Variants in DMD observed in about 807,000 individuals in gnomAD.
DMD encodes the protein dystrophin.
DMD carries 63 observed loss-of-function variants against 330.1 expected under a neutral mutation model. The observed-to-expected ratio is 0.19, with a 90% CI of 0.16 to 0.24. The LOEUF (loss-of-function observed/expected upper bound fraction) is 0.24, where lower values mean the gene tolerates loss of function less well. Ranked by LOEUF, DMD falls within the 10% of genes least tolerant of loss-of-function variation. The probability of loss-of-function intolerance (pLI) is 1.00; values close to 1 mark genes in which losing one functional copy is unlikely to be tolerated. For synonymous variants in DMD, 1,223 were observed against 959.8 expected (o/e 1.27, Z -5.07); for missense variants, 3,344 against 2,684.1 (o/e 1.25, Z -5.43).
chrX:32,692,159 T>G (rs1484258994), intron 9 of DMD, among the ~76,000 whole-genome samples: 5 of 112,309 alleles, frequency 4.5e-5, no homozygotes, highest in Non-Finnish European at 9.4e-5. Flanking sequence ...TTAAGTGTTC[T>G]TACACACAAT....
intron 32 of DMD, among the ~76,000 whole-genome samples, chrX:32,387,518 T>C (rs2097967666): frequency 9.0e-6 from 1 of 111,290 alleles, no homozygotes; most frequent in Non-Finnish European, 1.9e-5. Context: ...AAATTGGGTT[T>C]AATTTCTCTT....
At chrX:32,830,387 T>C (rs1321830790) in intron 4 of DMD, among the ~76,000 whole-genome samples, 10 of 111,553 alleles carry the variant, frequency 9.0e-5, no homozygotes, top group African/African-American at 3.2e-4. Context: ...TATTAAAACC[T>C]TTTAAAATCT....
intron 21 of DMD, among the ~76,000 whole-genome samples, chrX:32,480,374 A>ATGTG (rs113099165): frequency 5.6e-4 from 58 of 102,943 alleles, no homozygotes; most frequent in Middle Eastern, 4.9e-3. Context: ...AATTTTATAA[A>ATGTG]TGTGTGTGTG....
At chrX:32,525,063 A>G (rs868441170) in intron 17 of DMD, among the ~76,000 whole-genome samples, 4 of 111,716 alleles carry the variant, frequency 3.6e-5, no homozygotes, top group Non-Finnish European at 5.6e-5. Flanking sequence ...TTTCATTTCT[A>G]TCATTATTGT....
chrX:31,918,686 G>A (rs1332716014), intron 47 of DMD, among the ~76,000 whole-genome samples: 3 of 109,091 alleles, frequency 2.8e-5, no homozygotes, highest in African/African-American at 1.0e-4. Context: ...TGCCCAGGCT[G>A]GAATGCAGTG....
chrX:32,344,625 T>A (rs2097758148), intron 39 of DMD, among the ~76,000 whole-genome samples: 1 of 111,590 alleles, frequency 9.0e-6, no homozygotes, highest in Admixed American at 9.6e-5. Context: ...AACTCACATC[T>A]TTGCCAGGAG....
At chrX:32,633,612 T>C (rs1435823583) in intron 11 of DMD, among the ~76,000 whole-genome samples, 3 of 112,103 alleles carry the variant, frequency 2.7e-5, no homozygotes, top group Admixed American at 1.9e-4. Context: ...TAGGCCACTC[T>C]CGCATTGCTA....
chrX:32,412,325 C>A lies in DMD; in HGVS notation c.4072-412G>T, dbSNP rs918474265. ...CACAATCCAATTCAAGACAGATAAT[C>A]TGCTTCCACCAGTGAGATACATGTA... On this transcript the variant is annotated intron_variant, in intron 29 of 78. Coordinates refer to ENST00000357033, the MANE Select transcript of DMD (RefSeq NM_004006.3). The A allele has an allele frequency of 7.2e-5, 48 of 670,707 alleles. No individual in the cohort carries two copies. The East Asian group carries it at 3.9e-3, about 55-fold the overall frequency. The allele number at this position is 670,707 out of a possible 1,213,427, so 55.3% of individuals were successfully genotyped here. A position where few individuals can be genotyped will look rare whatever the true frequency, so the allele number is the denominator to read the frequency against.
chrX:31,480,054 A>G (rs1405275616), intron 57 of DMD, among the ~76,000 whole-genome samples: 1 of 112,345 alleles, frequency 8.9e-6, no homozygotes, highest in Admixed American at 9.5e-5. Context: ...AAATGCTAAT[A>G]TAACTGTTTA....
chrX:31,231,777 GGAGGCT>G (rs1294785895), intron 63 of DMD, among the ~76,000 whole-genome samples: 3 of 111,872 alleles, frequency 2.7e-5, no homozygotes, highest in African/African-American at 9.7e-5. Flanking sequence ...CTACTACCTG[GGAGGCT>G]GAGGCAGGAG....
At chrX:33,237,205 C>T (rs1444692743) in intron 1 of DMD, among the ~76,000 whole-genome samples, 2 of 88,729 alleles carry the variant, frequency 2.3e-5, no homozygotes, top group African/African-American at 8.2e-5. Context: ...CCCTCCCTTC[C>T]TCCCTTCCTT....
intron 52 of DMD, among the ~76,000 whole-genome samples, chrX:31,689,777 C>G (rs1326600527): frequency 7.4e-4 from 82 of 111,474 alleles, no homozygotes; most frequent in African/African-American, 2.2e-3. Flanking sequence ...CAGAGATATA[C>G]ACCAATGGAA....
intron 1 of DMD, among the ~76,000 whole-genome samples, chrX:33,261,817 C>T (rs1295233098): frequency 9.1e-6 from 1 of 110,472 alleles, no homozygotes; most frequent in Non-Finnish European, 1.9e-5. Flanking sequence ...GGGACAACAG[C>T]AAAGTGGTGG....
At chrX:31,523,076 C>G (rs1411212855) in intron 55 of DMD, among the ~76,000 whole-genome samples, 1 of 110,885 alleles carries the variant, frequency 9.0e-6, no homozygotes, top group Non-Finnish European at 1.9e-5. Context: ...CTGCTGGGCT[C>G]CACTCTGAGA....
chrX:31,365,186 A>G (rs1224130356), intron 60 of DMD, among the ~76,000 whole-genome samples: 1 of 108,135 alleles, frequency 9.2e-6, no homozygotes, highest in Admixed American at 1.0e-4. Flanking sequence ...ATTTTGGTGC[A>G]CCCCTATCCA....
intron 13 of DMD, among the ~76,000 whole-genome samples, chrX:32,590,491 G>A (rs2054781368): frequency 9.0e-6 from 1 of 111,524 alleles, no homozygotes; most frequent in Admixed American, 9.4e-5. Context: ...TGGACTGGGA[G>A]AGGAAGGCCC....
chrX:31,226,243 G>C (rs141853370), intron 63 of DMD, among the ~76,000 whole-genome samples: 18 of 111,766 alleles, frequency 1.6e-4, no homozygotes, highest in African/African-American at 1.3e-4. Context: ...TTCTTGTTCC[G>C]TGTTGTTAAA....
intron 7 of DMD, among the ~76,000 whole-genome samples, chrX:32,744,293 T>G: frequency 9.0e-6 from 1 of 110,701 alleles, no homozygotes; most frequent in Middle Eastern, 4.6e-3. Flanking sequence ...CACATCTTAC[T>G]TAATGTTTTC....
intron 44 of DMD, among the ~76,000 whole-genome samples, chrX:32,106,479 A>G (rs2096564420): frequency 8.9e-6 from 1 of 111,850 alleles, no homozygotes; most frequent in Non-Finnish European, 1.9e-5. Context: ...TGGGTTTTTC[A>G]ATATGAAACA....
Sources: allele counts gnomAD v4.1 joint callset (sites outside exome capture counted in the v4.1 genomes callset), GRCh38; gene constraint gnomAD v4.1.1; transcripts MANE v1.5; gene names NCBI Gene and HGNC (gene_info 2026-07-23, HGNC 2026-07-21).